MAPRE2: variants seen among roughly 807,000 people sequenced by gnomAD.
MAPRE2 encodes the protein microtubule-associated protein RP/EB family member 2.
A neutral mutation model predicts 43.2 loss-of-function variants in MAPRE2; 13 were observed. The observed-to-expected ratio is 0.30, with a 90% CI of 0.20 to 0.48. The LOEUF (loss-of-function observed/expected upper bound fraction) is 0.48. Ranked by LOEUF, MAPRE2 falls within the 20% of genes least tolerant of loss-of-function variation. MAPRE2 has a pLI of 0.99. For synonymous variants in MAPRE2, 135 were observed against 148.8 expected (o/e 0.91, Z 0.68); for missense variants, 161 against 400.2 (o/e 0.40, Z 5.10).
chr18:35,094,843 G>C (rs1475841728), intron 2 of MAPRE2, among the ~76,000 whole-genome samples: 1 of 152,110 alleles, frequency 6.6e-6, no homozygotes, highest in Admixed American at 6.6e-5. Context: ...AAACTCTAAT[G>C]GTCCCTGTGT....
At chr18:35,008,021 A>C (rs987032462) in intron 2 of MAPRE2, among the ~76,000 whole-genome samples, 1 of 152,186 alleles carries the variant, frequency 6.6e-6, no homozygotes, top group Non-Finnish European at 1.5e-5. Flanking sequence ...TTCTGAAACC[A>C]ATCCCCTAGG....
At chr18:35,003,783 G>A (rs2097030505) in intron 1 of MAPRE2, among the ~76,000 whole-genome samples, 1 of 152,134 alleles carries the variant, frequency 6.6e-6, no homozygotes, top group African/African-American at 2.4e-5. Context: ...AAAATTGAAG[G>A]ACTTAAGAAT....
At position 35,128,874 on chromosome 18, in the gene MAPRE2, A is replaced by G. The variant is rs146007737; in HGVS notation, c.750+1787A>G. ...GAAACCTTGAGGTTCTCTCCCGCTT[A>G]TAGCCTGAACCGCCCAGCCCCACTT... On this transcript the variant is annotated intron_variant, in intron 5 of 6. Transcript: ENST00000300249. Among the ~76,000 whole-genome samples, 1,009 of 152,200 alleles carry G rather than the reference A, an allele frequency of 6.6e-3. 9 individuals carry two copies. The highest frequency in any genetic ancestry group is 0.023 in the African/African-American group (975 of 41,522).
rs80231809 is a variant in MAPRE2 at position 35,071,756 on chromosome 18, C to G, written c.250+1434C>G. Among the ~76,000 whole-genome samples, 891 of 152,290 alleles carry G rather than the reference C, an allele frequency of 5.9e-3. 4 individuals carry two copies. Among genetic ancestry groups the G allele is most frequent in the African/African-American group, 0.02 (821 of 41,556 alleles). Reference sequence around the variant, plus strand: ...TGTAAATATTCTCCCTTCACCAGGTCTGGACTTGATCAGAATACTCCTAGA... The same window carrying G: ...TGTAAATATTCTCCCTTCACCAGGTGTGGACTTGATCAGAATACTCCTAGA... On this transcript the variant is annotated intron_variant, in intron 2 of 6. Coordinates refer to ENST00000300249, the MANE Select transcript of MAPRE2 (RefSeq NM_014268.4).
chr18:34,991,343 G>C (rs1328637652), intron 1 of MAPRE2, among the ~76,000 whole-genome samples: 2 of 152,174 alleles, frequency 1.3e-5, no homozygotes, highest in Admixed American at 6.6e-5. Context: ...CGTTCACTGA[G>C]CCTGTTTTGA....
At chr18:35,040,367 C>T (rs1253846609), upstream of MAPRE2, among the ~76,000 whole-genome samples, 1 of 152,112 alleles carries the variant, frequency 6.6e-6, no homozygotes, top group Non-Finnish European at 1.5e-5. Context: ...TGATTCTTAC[C>T]TTGATTTATA....
At chr18:35,110,485 A>G (rs1909128663) in intron 4 of MAPRE2, among the ~76,000 whole-genome samples, 1 of 152,118 alleles carries the variant, frequency 6.6e-6, no homozygotes. Flanking sequence ...AGTCATATCT[A>G]TTGTAGAGAA....
rs1195269032 is a variant in MAPRE2, at chr18:35,127,046, G to C, written c.709G>C (p.Asp237His). 6.2e-7 allele frequency: 1 copy of C among 1,613,908 alleles called. No individual in the cohort carries two copies. The highest frequency in any genetic ancestry group is 8.5e-7 in the Non-Finnish European group (1 of 1,180,010). Residue 237 changes from aspartate (D) to histidine (H), a missense_variant, in exon 5 of 7, where the codon GAT (aspartate) becomes CAT (histidine). Asp to His is a moderately conservative substitution (Grantham distance 81). Around this residue, in one of 2 missense-constraint regions of MAPRE2, gnomAD observed 96 missense variants for 153.3 expected, o/e 0.63. Transcript: ENST00000300249. ...ASSSGSASKS[D>H]KDLETQVIQL... Reference sequence around the variant, plus strand: ...TTCCAGTGGCTCAGCATCCAAATCCGATAAAGATTTAGAAACGCAGGTCAT... The same window carrying C: ...TTCCAGTGGCTCAGCATCCAAATCCCATAAAGATTTAGAAACGCAGGTCAT...
chr18:34,983,724 G>A (rs2097017560), intron 1 of MAPRE2, among the ~76,000 whole-genome samples: 1 of 152,138 alleles, frequency 6.6e-6, no homozygotes, highest in Admixed American at 6.5e-5. Context: ...CCACCTCCCA[G>A]GTTCAAGTGA....
chr18:34,985,255 A>ATT (rs1568961356), intron 1 of MAPRE2, among the ~76,000 whole-genome samples: 27 of 48,894 alleles, frequency 5.5e-4, no homozygotes, highest in African/African-American at 2.6e-3. Flanking sequence ...TAAAATATAT[A>ATT]ATATAATATA....
intron 6 of MAPRE2, among the ~76,000 whole-genome samples, chr18:35,134,994 T>C (rs992940513): frequency 2.0e-5 from 3 of 152,142 alleles, no homozygotes; most frequent in Non-Finnish European, 4.4e-5. Context: ...AAGAAGAGAA[T>C]TACTCAGAGT....
chr18:34,977,577 AGCGCGCTGGCGCTC>A (rs1211737934), intron 1 of MAPRE2, among the ~76,000 whole-genome samples: 2 of 152,144 alleles, frequency 1.3e-5, no homozygotes, highest in African/African-American at 4.8e-5. Flanking sequence ...CAGGAAGTGC[AGCGCGCTGGCGCTC>A]GCGCGCTTGG....
At chr18:35,044,998 T>C (rs1306279422) in intron 1 of MAPRE2, among the ~76,000 whole-genome samples, 1 of 152,224 alleles carries the variant, frequency 6.6e-6, no homozygotes, top group Non-Finnish European at 1.5e-5. Flanking sequence ...AAAAGCAAGC[T>C]TCCTTTAGAA....
intron 1 of MAPRE2, among the ~76,000 whole-genome samples, chr18:35,000,766 T>C (rs1248898926): frequency 6.6e-6 from 1 of 152,166 alleles, no homozygotes; most frequent in African/African-American, 2.4e-5. Flanking sequence ...GCTGCCCTAG[T>C]GCTCACAATG....
intron 1 of MAPRE2, among the ~76,000 whole-genome samples, chr18:35,042,626 C>T (rs780808854): frequency 2.0e-5 from 3 of 152,152 alleles, no homozygotes; most frequent in Non-Finnish European, 4.4e-5. Context: ...CTGATAGCTT[C>T]GGTCATATTT....
At chr18:35,109,755 T>G (rs1179853400) in intron 4 of MAPRE2, among the ~76,000 whole-genome samples, 1 of 152,170 alleles carries the variant, frequency 6.6e-6, no homozygotes, top group African/African-American at 2.4e-5. Context: ...GTCTTGCTTT[T>G]TTATTCATTC....
intron 1 of MAPRE2, among the ~76,000 whole-genome samples, chr18:34,985,250 TATATA>T (rs2097019078): frequency 1.9e-5 from 1 of 53,530 alleles, no homozygotes; most frequent in African/African-American, 7.5e-5. Flanking sequence ...TAATATAAAA[TATATA>T]ATATAATATA....
intron 2 of MAPRE2, among the ~76,000 whole-genome samples, chr18:35,079,489 T>C (rs1907530945): frequency 6.6e-6 from 1 of 152,124 alleles, no homozygotes; most frequent in African/African-American, 2.4e-5. Flanking sequence ...CATTTAAGAG[T>C]AGACACCGAT....
At chr18:35,006,961 T>G (rs998167096) in intron 2 of MAPRE2, among the ~76,000 whole-genome samples, 6 of 152,142 alleles carry the variant, frequency 3.9e-5, no homozygotes, top group African/African-American at 9.7e-5. Context: ...AGACTCCATC[T>G]AAAACAAGCA....
Sources: gnomAD v4.1 joint callset for allele counts (sites outside exome capture counted in the v4.1 genomes callset) on GRCh38, gnomAD v4.1.1 for gene constraint, gnomAD v4.1.1 regional missense constraint, MANE v1.5 for transcripts, NCBI Gene and HGNC (gene_info 2026-07-23, HGNC 2026-07-21) for gene names.